Variants in ART3 observed in about 807,000 individuals in gnomAD.
The protein encoded by ART3 is ADP-ribosyltransferase 3 (inactive), also known as ecto-ADP-ribosyltransferase 3.
ART3 carries 49 observed loss-of-function variants against 48.5 expected under a neutral mutation model. That is an observed-to-expected ratio of 1.01 (90% CI 0.80 to 1.28). The LOEUF is 1.28. Among genes scored for constraint, ART3 ranks in the 50% most tolerant of loss-of-function variants. The probability of loss-of-function intolerance (pLI) is 0.00; values close to 1 mark genes in which losing one functional copy is unlikely to be tolerated. For synonymous variants in ART3, 145 were observed against 157.2 expected (o/e 0.92, Z 0.58); for missense variants, 438 against 454.3 (o/e 0.96, Z 0.33).
intron 5 of ART3, among the ~76,000 whole-genome samples, 163 bp from the exon 6 acceptor site, chr4:76,100,128 T>G (rs1184402196): frequency 6.6e-6 from 1 of 151,710 alleles, no homozygotes; most frequent in East Asian, 1.9e-4. Context: ...CAAGGTACAT[T>G]TAGACTGTGA....
At chr4:76,012,133 G>A (rs144671824) in intron 1 of ART3, 33 of 152,334 alleles carry the variant, frequency 2.2e-4, no homozygotes, top group African/African-American at 7.7e-4. Context: ...TTACAAAGCG[G>A]AATTCTTAGT....
intron 3 of ART3, among the ~76,000 whole-genome samples, chr4:76,090,678 C>T (rs867566691): frequency 1.3e-5 from 2 of 152,060 alleles, no homozygotes; most frequent in African/African-American, 4.8e-5. Flanking sequence ...GAGACCAGAT[C>T]CAAAACCTAG....
At chr4:76,019,035 C>A in intron 1 of ART3, among the ~76,000 whole-genome samples, 1 of 146,002 alleles carries the variant, frequency 6.8e-6, no homozygotes, top group African/African-American at 2.6e-5. Context: ...GAGTGAGACC[C>A]CATCTCAAGG....
intron 10 of ART3, 106 bp from the exon 11 acceptor site, chr4:76,107,655 A>G: frequency 1.4e-6 from 1 of 708,720 alleles, no homozygotes; most frequent in East Asian, 3.0e-5. Context: ...TGCCCCTCAG[A>G]CCCACTCACA....
intron 1 of ART3, among the ~76,000 whole-genome samples, chr4:76,051,300 AT>A (rs1408903811): frequency 2.1e-5 from 2 of 97,060 alleles, no homozygotes; most frequent in Non-Finnish European, 4.1e-5. Flanking sequence ...CTGCCGGTGG[AT>A]TTTTTTTTAA....
chr4:76,106,181 A>G, intron 10 of ART3: 8 of 985,446 alleles, frequency 8.1e-6, no homozygotes, highest in Non-Finnish European at 9.6e-6. Context: ...AAACTTTTCA[A>G]GCTTTGTTCA....
At chr4:76,038,007 A>G (rs1290497630) in intron 1 of ART3, among the ~76,000 whole-genome samples, 1 of 152,188 alleles carries the variant, frequency 6.6e-6, no homozygotes, top group African/African-American at 2.4e-5. Context: ...CTAGTCTTTA[A>G]AACCTTTGAA....
At chr4:76,026,097 C>G (rs1176989881) in intron 1 of ART3, among the ~76,000 whole-genome samples, 1 of 151,754 alleles carries the variant, frequency 6.6e-6, no homozygotes, top group African/African-American at 2.4e-5. Context: ...CCTTCTCAAC[C>G]ACTACAATCC....
At chr4:76,070,495 TCTTTTGCCCG>T (rs1186290944), upstream of ART3, among the ~76,000 whole-genome samples, 2 of 152,234 alleles carry the variant, frequency 1.3e-5, no homozygotes, top group East Asian at 3.8e-4. Context: ...TCAGTTCAGA[TCTTTTGCCCG>T]TAATCATTCA....
chr4:76,055,553 AC>A (rs1299088054), intron 1 of ART3, among the ~76,000 whole-genome samples: 3 of 152,208 alleles, frequency 2.0e-5, no homozygotes, highest in African/African-American at 7.2e-5. Flanking sequence ...CTGAGATGAA[AC>A]GGGAGTGAAA....
intron 1 of ART3, among the ~76,000 whole-genome samples, chr4:76,059,348 C>T (rs893380368): frequency 2.2e-5 from 3 of 137,616 alleles, no homozygotes; most frequent in East Asian, 2.4e-4. Flanking sequence ...GCTGTCTTCT[C>T]GTTATTTTCT....
chr4:76,060,592 A>G (rs1302457258), intron 1 of ART3, among the ~76,000 whole-genome samples: 1 of 139,900 alleles, frequency 7.1e-6, no homozygotes, highest in African/African-American at 2.7e-5. Flanking sequence ...GTTATATTAC[A>G]TGGCAAAAGG....
chr4:76,058,535 CAA>C (rs1314352519), intron 1 of ART3: 1 of 152,256 alleles, frequency 6.6e-6, no homozygotes, highest in East Asian at 1.9e-4. Flanking sequence ...TTCTAGGAAT[CAA>C]TCACTGCTGA....
rs1025167111 is a variant in ART3 at position 76,112,324 on chromosome 4, A to G, written c.1037-62A>G. 1.6e-5 allele frequency: 25 copies of G among 1,540,578 alleles called. No individual in the cohort carries two copies. In the African/African-American group the frequency reaches 3.2e-4, roughly 20 times the overall value. Reference sequence around the variant, plus strand: ...TGTTTACATATTCAGGATATATTTTATAGGTGGATGATACTTGACATAAAA... The same window carrying G: ...TGTTTACATATTCAGGATATATTTTGTAGGTGGATGATACTTGACATAAAA... On this transcript the variant is annotated intron_variant, in intron 11 of 11. Coordinates refer to ENST00000355810, the MANE Select transcript of ART3 (RefSeq NM_001130016.3).
chr4:76,024,135 T>C (rs1733146442), intron 1 of ART3, among the ~76,000 whole-genome samples: 1 of 152,200 alleles, frequency 6.6e-6, no homozygotes, highest in Admixed American at 6.6e-5. Context: ...CATTTGGGTA[T>C]CTGATTTGTG....
intron 1 of ART3, among the ~76,000 whole-genome samples, chr4:76,019,640 G>T (rs1016601526): frequency 3.4e-5 from 5 of 148,566 alleles, no homozygotes; most frequent in Non-Finnish European, 7.4e-5. Flanking sequence ...ATTTTTAGTA[G>T]AGACAGGGTT....
intron 3 of ART3, among the ~76,000 whole-genome samples, chr4:76,090,422 C>T (rs1025130053): frequency 6.6e-6 from 1 of 152,202 alleles, no homozygotes; most frequent in Middle Eastern, 3.2e-3. Context: ...AGGAAGTCCT[C>T]GTGACCTACA....
chr4:76,055,848 G>A (rs1718633691), intron 1 of ART3, among the ~76,000 whole-genome samples: 1 of 152,192 alleles, frequency 6.6e-6, no homozygotes, highest in Admixed American at 6.5e-5. Context: ...ATTTGTAGCA[G>A]TAACCCTTAG....
chr4:76,012,174 A>G (rs750737643), intron 1 of ART3: 2 of 152,122 alleles, frequency 1.3e-5, no homozygotes, highest in Non-Finnish European at 2.9e-5. Context: ...CTCCCTCTTG[A>G]ATCTTTTTGG....
Sources: allele counts gnomAD v4.1 joint callset (sites outside exome capture counted in the v4.1 genomes callset), GRCh38; gene constraint gnomAD v4.1.1; transcripts MANE v1.5; gene names NCBI Gene and HGNC (gene_info 2026-07-23, HGNC 2026-07-21).